Variants in COG5 observed in about 807,000 individuals in gnomAD.
The protein encoded by COG5 is conserved oligomeric Golgi complex subunit 5.
In COG5, 86 loss-of-function variants were observed where a neutral mutation model predicts 110.4. The ratio of observed to expected loss-of-function variants is 0.78; its 90% CI spans 0.65 to 0.93. The LOEUF is 0.93. COG5 is among the 40% of genes least tolerant of loss of function. The pLI is 0.00. For missense variants in COG5, 1,077 were observed against 987.0 expected (o/e 1.09, Z -1.22); for synonymous variants, 360 against 334.6 (o/e 1.08, Z -0.83).
intron 11 of COG5, among the ~76,000 whole-genome samples, chr7:107,301,939 T>C (rs1364081361): frequency 6.6e-6 from 1 of 152,170 alleles, no homozygotes; most frequent in Admixed American, 6.6e-5. Flanking sequence ...CTTGTGGAGA[T>C]AAAAAATTGT....
intron 19 of COG5, among the ~76,000 whole-genome samples, chr7:107,229,143 C>G (rs1408045079): frequency 6.6e-6 from 1 of 152,024 alleles, no homozygotes; most frequent in Non-Finnish European, 1.5e-5. Flanking sequence ...GGGTTGGCCA[C>G]CTTTTTAAAT....
chr7:107,537,246 C>T (rs1026382440), intron 5 of COG5, among the ~76,000 whole-genome samples: 2 of 152,054 alleles, frequency 1.3e-5, no homozygotes, highest in Admixed American at 6.6e-5. Context: ...TCATTCTATA[C>T]CCAAAGGATT....
intron 6 of COG5, among the ~76,000 whole-genome samples, chr7:107,436,296 G>T (rs957305239): frequency 6.6e-6 from 1 of 152,228 alleles, no homozygotes; most frequent in African/African-American, 2.4e-5. Flanking sequence ...TTTGACGCAT[G>T]CTATACAACA....
At chr7:107,280,819 T>G (rs1805107056) in intron 14 of COG5, among the ~76,000 whole-genome samples, 1 of 151,968 alleles carries the variant, frequency 6.6e-6, no homozygotes, top group East Asian at 1.9e-4. Flanking sequence ...GTTGGAATCT[T>G]TAAAAAGTAA....
chr7:107,546,193 C>T lies in COG5; in HGVS notation c.417+1918G>A, dbSNP rs73189505. Among the ~76,000 whole-genome samples the T allele has an allele frequency of 6.1e-3, 923 of 151,976 alleles. 3 individuals are homozygous for T. Among genetic ancestry groups the T allele is most frequent in the Non-Finnish European group, 9.5e-3 (647 of 67,952 alleles). On this transcript the variant is annotated intron_variant, in intron 5 of 21. Coordinates refer to ENST00000297135, the MANE Select transcript of COG5 (RefSeq NM_006348.5). Reference sequence around the variant, plus strand: ...TCTTGAGACAAATGACACAACATACCGAAAGTTATGGGATGCAGCAAAAGC... The same window carrying T: ...TCTTGAGACAAATGACACAACATACTGAAAGTTATGGGATGCAGCAAAAGC...
chr7:107,264,345 G>A (rs944051873), intron 14 of COG5, among the ~76,000 whole-genome samples: 1 of 152,054 alleles, frequency 6.6e-6, no homozygotes, highest in African/African-American at 2.4e-5. Flanking sequence ...TATATTCCAA[G>A]AGCCTCAAAA....
chr7:107,563,070 A>G (rs531978380), intron 1 of COG5, among the ~76,000 whole-genome samples: 1 of 152,200 alleles, frequency 6.6e-6, no homozygotes, highest in Non-Finnish European at 1.5e-5. Context: ...ATAAATGTGA[A>G]CTTTATTCTG....
chr7:107,422,091 TAAAG>T (rs1356007596), intron 6 of COG5, among the ~76,000 whole-genome samples: 1 of 151,716 alleles, frequency 6.6e-6, no homozygotes, highest in African/African-American at 2.4e-5. Flanking sequence ...TTAGAACTAA[TAAAG>T]AAGATGAAAT....
At chr7:107,286,719 T>C (rs1047924314) in intron 12 of COG5, among the ~76,000 whole-genome samples, 2 of 152,202 alleles carry the variant, frequency 1.3e-5, no homozygotes, top group Non-Finnish European at 2.9e-5. Context: ...CTCTTGTTTT[T>C]TTCCCTCTTA....
At chr7:107,208,666 G>A (rs1798937944) in intron 21 of COG5, 2 of 985,458 alleles carry the variant, frequency 2.0e-6, no homozygotes, top group Non-Finnish European at 2.4e-6. Context: ...ACCGGGGCTG[G>A]TAACCTCTCC....
chr7:107,269,271 T>C (rs1008300728), intron 14 of COG5, among the ~76,000 whole-genome samples: 1 of 152,016 alleles, frequency 6.6e-6, no homozygotes, highest in Non-Finnish European at 1.5e-5. Context: ...GTCACAAGAT[T>C]GAGACCATCC....
chr7:107,311,099 T>G (rs1286641357), intron 11 of COG5, among the ~76,000 whole-genome samples: 1 of 152,156 alleles, frequency 6.6e-6, no homozygotes, highest in Non-Finnish European at 1.5e-5. Flanking sequence ...TGTTTAAATT[T>G]TTGCCAGTGC....
Position 107,280,973 on chromosome 7 carries a change from T to C in COG5, c.1575+327A>G, listed in dbSNP as rs1164742886. Among the ~76,000 whole-genome samples the C allele has an allele frequency of 3.3e-5, 5 of 152,040 alleles. No homozygotes were observed. The East Asian group carries it at 5.8e-4, about 18-fold the overall frequency. On this transcript the variant is annotated intron_variant, in intron 14 of 21. Coordinates refer to ENST00000297135, the MANE Select transcript of COG5 (RefSeq NM_006348.5). ...ACAAAAGGGAAAACTTGATTGATCA[T>C]GCATAATTATAATTTATGTAAATTA...
At chr7:107,528,697 G>C (rs1195985202) in intron 5 of COG5, among the ~76,000 whole-genome samples, 1 of 152,064 alleles carries the variant, frequency 6.6e-6, no homozygotes, top group Admixed American at 6.6e-5. Flanking sequence ...TTTTTGAATG[G>C]CCCCAAGGCT....
intron 6 of COG5, chr7:107,469,884 C>T (rs1336355079): frequency 6.6e-6 from 1 of 152,046 alleles, no homozygotes; most frequent in Non-Finnish European, 1.5e-5. Flanking sequence ...GAACAACATA[C>T]AACCACTCAT....
At chr7:107,278,409 T>A (rs1804877247) in intron 14 of COG5, among the ~76,000 whole-genome samples, 1 of 152,156 alleles carries the variant, frequency 6.6e-6, no homozygotes, top group African/African-American at 2.4e-5. Context: ...CTCCTAATGC[T>A]GTCCCTCCCC....
intron 8 of COG5, among the ~76,000 whole-genome samples, chr7:107,370,814 A>G (rs1814090839): frequency 6.7e-6 from 1 of 149,378 alleles, no homozygotes; most frequent in African/African-American, 2.4e-5. Context: ...ATATATATAT[A>G]TATACACACA....
intron 16 of COG5, among the ~76,000 whole-genome samples, chr7:107,253,833 T>C (rs1393172861): frequency 1.3e-5 from 2 of 152,146 alleles, no homozygotes; most frequent in Non-Finnish European, 2.9e-5. Context: ...CCTGGAACAC[T>C]TGCCCCAGAT....
chr7:107,414,702 C>CT (rs1563019968), intron 6 of COG5, among the ~76,000 whole-genome samples: 1 of 100,720 alleles, frequency 9.9e-6, no homozygotes, highest in African/African-American at 3.3e-5. Context: ...CCTCACTGTC[C>CT]CTTTTTTTTT....
Sources: allele counts gnomAD v4.1 joint callset (sites outside exome capture counted in the v4.1 genomes callset), GRCh38; gene constraint gnomAD v4.1.1; transcripts MANE v1.5; gene names NCBI Gene and HGNC (gene_info 2026-07-23, HGNC 2026-07-21).